TM9SF4: variants seen among roughly 807,000 people sequenced by gnomAD.
TM9SF4 encodes transmembrane 9 superfamily member 4, also known as dinucleotide oxidase disulfide thiol exchanger 3 superfamily member 4.
Under a neutral mutation model 90.4 loss-of-function variants are expected in TM9SF4, and 26 were observed. The observed-to-expected ratio is 0.29, with a 90% CI of 0.21 to 0.40. TM9SF4 has a LOEUF of 0.40. Among genes scored for constraint, TM9SF4 ranks in the 10% least tolerant of loss-of-function variants. The pLI, the probability that TM9SF4 is intolerant of heterozygous loss-of-function variation, is 1.00. For synonymous variants in TM9SF4, 293 were observed against 315.4 expected, an observed-to-expected ratio of 0.93 and a Z score of 0.75; for missense variants, 549 against 834.8, an observed-to-expected ratio of 0.66 and a Z score of 4.22.
intron 17 of TM9SF4, 103 bp downstream of exon 17, chr20:32,161,468 C>A: frequency 8.9e-7 from 1 of 1,117,674 alleles, no homozygotes; most frequent in Non-Finnish European, 1.3e-6. Flanking sequence ...TCCTTTTCCA[C>A]CCAGAATGGG....
chr20:32,139,237 T>G (rs909877823), intron 3 of TM9SF4, among the ~76,000 whole-genome samples: 8 of 152,222 alleles, frequency 5.3e-5, no homozygotes, highest in African/African-American at 1.9e-4. Flanking sequence ...ACCCCCAACT[T>G]CCATCTGTGC....
chr20:32,158,446 G>A lies in TM9SF4; in HGVS notation c.1506-5G>A, dbSNP rs748493224. The A allele has an allele frequency of 2.5e-6, 4 of 1,613,966 alleles. No individual in the cohort carries two copies. The highest frequency in any genetic ancestry group is 1.1e-5 in the South Asian group (1 of 91,090). ...TAACAATGTCAACCTCTCGTTCTGT[G>A]GCAGCATCCTCATGGCTGGGATCTT... On this transcript the variant is annotated splice_region_variant and splice_polypyrimidine_tract_variant and intron_variant, in intron 14 of 17. Coordinates refer to ENST00000398022, the MANE Select transcript of TM9SF4 (RefSeq NM_014742.4).
At position 32,141,867 on chromosome 20, in the gene TM9SF4, A is replaced by AC; in HGVS notation, c.502dup (p.Arg168ProfsTer56). 6.2e-7 allele frequency: 1 copy of AC among 1,614,142 alleles called. No individual in the cohort carries two copies. Among genetic ancestry groups the AC allele is most frequent in the Non-Finnish European group, 8.5e-7 (1 of 1,180,012 alleles). On this transcript the variant is annotated frameshift_variant, in exon 5 of 18. Coordinates refer to ENST00000398022, the MANE Select transcript of TM9SF4 (RefSeq NM_014742.4). LOFTEE classifies it high-confidence loss of function. Reference sequence around the variant, plus strand: ...AAAGATGTGCAGTTTGAACACGGCTACCGGCTCGGCTTCACAGATGTCAAC... The same window carrying AC: ...AAAGATGTGCAGTTTGAACACGGCTACCCGGCTCGGCTTCACAGATGTCAAC...
chr20:32,158,342 G>T lies in TM9SF4; in HGVS notation c.1506-109G>T, dbSNP rs1474943384. 8 of 1,053,030 alleles carry T rather than the reference G, an allele frequency of 7.6e-6. No homozygotes were observed. In the African/African-American group the frequency reaches 1.1e-4, roughly 15 times the overall value. 65.2% of individuals were successfully genotyped at this position (1,053,030 alleles called of 1,614,324 possible). A position where few individuals can be genotyped will look rare whatever the true frequency, so the allele number is the denominator to read the frequency against. ...GTACAGAAATATGCCAGAAGAATTA[G>T]CACCACCACACTCGTGTAGGTGCTC... On this transcript the variant is annotated intron_variant, in intron 14 of 17. Coordinates refer to ENST00000398022, the MANE Select transcript of TM9SF4 (RefSeq NM_014742.4).
chr20:32,142,467 A>T (rs964561208), intron 5 of TM9SF4, among the ~76,000 whole-genome samples: 17 of 152,206 alleles, frequency 1.1e-4, no homozygotes, highest in African/African-American at 3.9e-4. Context: ...CCTGTCCCCA[A>T]AGGGCGTCTG....
intron 3 of TM9SF4, among the ~76,000 whole-genome samples, chr20:32,137,808 A>AT (rs2046615762): frequency 6.6e-6 from 1 of 152,164 alleles, no homozygotes; most frequent in Admixed American, 6.5e-5. Flanking sequence ...AACTTACTTA[A>AT]TTCTCACAAC....
At chr20:32,165,140 A>G (rs1483740656) in intron 17 of TM9SF4, among the ~76,000 whole-genome samples, 155 bp from the exon 18 acceptor site, 1 of 152,218 alleles carries the variant, frequency 6.6e-6, no homozygotes, top group Non-Finnish European at 1.5e-5. Context: ...AGCTGTGCCC[A>G]TGAACCCTGC....
At chr20:32,145,057 C>T in intron 6 of TM9SF4, 34 bp from the exon 7 acceptor site, 1 of 1,607,584 alleles carries the variant, frequency 6.2e-7, no homozygotes, top group East Asian at 2.2e-5. Context: ...GCACTGGCCA[C>T]CACAGGAACA....
At chr20:32,157,248 C>T (rs1467598055) in intron 13 of TM9SF4, among the ~76,000 whole-genome samples, 3 of 152,282 alleles carry the variant, frequency 2.0e-5, no homozygotes, top group South Asian at 2.1e-4. Context: ...CCACTGCTCC[C>T]GGCCTTCCTG....
Position 32,141,556 on chromosome 20 carries a change from GAGA to G in TM9SF4, c.295_297del (p.Lys99del). ...CCCTTTCCAGGTTCTCATGAACAGC[GAGA>G]AGAAGTGTGAAGTTCTGTGCAGCCA... On this transcript the variant is annotated inframe_deletion, in exon 4 of 18. Transcript: ENST00000398022. 2 of 1,614,132 alleles carry G rather than the reference GAGA, an allele frequency of 1.2e-6. No individual in the cohort carries two copies. Among genetic ancestry groups the G allele is most frequent in the Non-Finnish European group, 1.7e-6 (2 of 1,180,028 alleles).
intron 2 of TM9SF4, among the ~76,000 whole-genome samples, chr20:32,135,575 AGGACAC>A (rs2046583432): frequency 6.6e-6 from 1 of 152,186 alleles, no homozygotes. Context: ...TGGTGAGGTA[AGGACAC>A]AGGCAAGGGG....
At chr20:32,149,421 A>G in intron 9 of TM9SF4, among the ~76,000 whole-genome samples, 1 of 152,224 alleles carries the variant, frequency 6.6e-6, no homozygotes, top group East Asian at 1.9e-4. Flanking sequence ...TGGAATTTAA[A>G]GAGATTTTCC....
Position 32,122,732 on chromosome 20 carries a change from C to A in TM9SF4, c.16-10281C>A, listed in dbSNP as rs185457048. Among the ~76,000 whole-genome samples the A allele has an allele frequency of 4.7e-4, 71 of 152,144 alleles. 1 individual carries two copies. In the East Asian group the frequency reaches 0.011, roughly 24 times the overall value. Reference sequence around the variant, plus strand: ...TCCTCACATCCCAGACGATGGGTGGCCAGGCAAAGATGCTCCTCACTTCCC... The same window carrying A: ...TCCTCACATCCCAGACGATGGGTGGACAGGCAAAGATGCTCCTCACTTCCC... On this transcript the variant is annotated intron_variant, in intron 1 of 17. Transcript: ENST00000398022.
At chr20:32,154,063 GCCACCCCAAGACTCAGAGCTTCACCAT>G (rs2046881895) in intron 12 of TM9SF4, among the ~76,000 whole-genome samples, 1 of 152,200 alleles carries the variant, frequency 6.6e-6, no homozygotes, top group Non-Finnish European at 1.5e-5. Context: ...CCCAGCATCT[GCCACCCCAAGACTCAGAGCTTCACCAT>G]CCTTCTAGGC....
chr20:32,131,437 G>T, intron 1 of TM9SF4, among the ~76,000 whole-genome samples: 1 of 151,980 alleles, frequency 6.6e-6, no homozygotes, highest in East Asian at 1.9e-4. Context: ...AGCCTCCTCA[G>T]TGATCCTGAT....
chr20:32,121,384 A>G (rs553863121), intron 1 of TM9SF4, among the ~76,000 whole-genome samples: 12 of 151,946 alleles, frequency 7.9e-5, no homozygotes, highest in Non-Finnish European at 1.5e-4. Flanking sequence ...GGTACTTGAG[A>G]TTAGGGAGTG....
At chr20:32,112,276 T>A (rs536308602) in intron 1 of TM9SF4, among the ~76,000 whole-genome samples, 2 of 152,082 alleles carry the variant, frequency 1.3e-5, no homozygotes, top group Non-Finnish European at 2.9e-5. Context: ...TTAGCTGGGC[T>A]TGGTGGTGTG....
At chr20:32,155,916 C>G (rs2046913162) in intron 13 of TM9SF4, among the ~76,000 whole-genome samples, 1 of 152,190 alleles carries the variant, frequency 6.6e-6, no homozygotes, top group African/African-American at 2.4e-5. Flanking sequence ...CACAGTCATG[C>G]CCTTCCTCTC....
At position 32,150,479 on chromosome 20, in the gene TM9SF4, A is replaced by G. The variant is rs1398194622; in HGVS notation, c.1088-143A>G. Reference sequence around the variant, plus strand: ...GAGGGTAGGGGACTATGCTGTTGAGAAGACAAGGGAGGGGGAGCCTCATCT... The same window carrying G: ...GAGGGTAGGGGACTATGCTGTTGAGGAGACAAGGGAGGGGGAGCCTCATCT... On this transcript the variant is annotated intron_variant, in intron 10 of 17. Coordinates refer to ENST00000398022, the MANE Select transcript of TM9SF4 (RefSeq NM_014742.4). The G allele has an allele frequency of 5.6e-6, 5 of 894,596 alleles. No homozygotes were observed. The Admixed American group carries it at 8.4e-5, about 15-fold the overall frequency. The allele number at this position is 894,596 out of a possible 1,614,324, so 55.4% of individuals were successfully genotyped here. A position where few individuals can be genotyped will look rare whatever the true frequency, so the allele number is the denominator to read the frequency against.
Sources: gnomAD v4.1 joint callset for allele counts (sites outside exome capture counted in the v4.1 genomes callset) on GRCh38, gnomAD v4.1.1 for gene constraint, MANE v1.5 for transcripts, NCBI Gene and HGNC (gene_info 2026-07-23, HGNC 2026-07-21) for gene names.